Variants in NTRK3 observed in about 807,000 individuals in gnomAD.
NTRK3 encodes neurotrophic receptor tyrosine kinase 3.
Under a neutral mutation model 91.7 loss-of-function variants are expected in NTRK3, and 24 were observed. That is an observed-to-expected ratio of 0.26 (90% confidence interval 0.19 to 0.37). NTRK3 has a LOEUF of 0.37. Ranked by LOEUF, NTRK3 falls within the 10% of genes least tolerant of loss-of-function variation. NTRK3 has a pLI of 1.00. For synonymous variants in NTRK3, 483 were observed against 404.0 expected (o/e 1.20, Z -2.34); for missense variants, 880 against 1,068.9 (o/e 0.82, Z 2.46).
chr15:87,896,771 T>A (rs2066149631), intron 17 of NTRK3, among the ~76,000 whole-genome samples: 1 of 152,172 alleles, frequency 6.6e-6, no homozygotes, highest in Non-Finnish European at 1.5e-5. Flanking sequence ...AGATGAAAGC[T>A]TTATACAAGA....
chr15:88,119,593 T>G lies in NTRK3; in HGVS notation c.1396+6678A>C, dbSNP rs139302799. 1.6e-4 allele frequency among the ~76,000 whole-genome samples: 24 copies of G among 152,236 alleles called. No individual in the cohort carries two copies. The East Asian group carries it at 4.5e-3, about 28-fold the overall frequency. Reference sequence around the variant, plus strand: ...TCAACATTATGTTCAAAGAGTCATCTTACACCAGGAATCCCAAGTACAGGA... The same window carrying G: ...TCAACATTATGTTCAAAGAGTCATCGTACACCAGGAATCCCAAGTACAGGA... On this transcript the variant is annotated intron_variant, in intron 13 of 18. Coordinates refer to ENST00000394480, the Ensembl canonical transcript of NTRK3.
At chr15:87,870,899 G>A (rs1467303855) in exon 19 of NTRK3, 2 of 228,218 alleles carry the variant, frequency 8.8e-6, no homozygotes, top group Non-Finnish European at 8.7e-6. Context: ...TGTGGGTCAC[G>A]ACACTGAACA....
intron 13 of NTRK3, among the ~76,000 whole-genome samples, chr15:88,108,710 G>T (rs778434707): frequency 3.2e-4 from 49 of 152,122 alleles, no homozygotes; most frequent in Non-Finnish European, 5.3e-4. Context: ...AAATTGCAGG[G>T]GCCAAAAAAC....
intron 5 of NTRK3, among the ~76,000 whole-genome samples, chr15:88,160,806 G>C (rs1398488153): frequency 6.6e-6 from 1 of 152,190 alleles, no homozygotes; most frequent in Non-Finnish European, 1.5e-5. Context: ...CTCTGGAAGG[G>C]AACAGTGGCT....
chr15:87,957,780 A>G (rs1219002721), intron 14 of NTRK3, among the ~76,000 whole-genome samples: 4 of 152,186 alleles, frequency 2.6e-5, no homozygotes, highest in East Asian at 3.9e-4. Flanking sequence ...AGCTTCTACC[A>G]GTTCTTTGTG....
At chr15:88,177,128 A>G (rs1244899114) in intron 5 of NTRK3, among the ~76,000 whole-genome samples, 1 of 152,218 alleles carries the variant, frequency 6.6e-6, no homozygotes, top group Non-Finnish European at 1.5e-5. Flanking sequence ...GGCAGAGAGA[A>G]CAAGGGGAAA....
chr15:88,168,361 G>A (rs919512591), intron 5 of NTRK3, among the ~76,000 whole-genome samples: 1 of 152,068 alleles, frequency 6.6e-6, no homozygotes. Flanking sequence ...GAAGAAGAGT[G>A]GAGATGGGTG....
rs2042414194 is a variant in NTRK3, at chr15:88,141,839, A to G, written c.465-4278T>C. ...GCTGCCAGGCAAAGGCTTTGTACAA[A>G]TTTTCTGCTTCCTTCCATCCTTTCC... On this transcript the variant is annotated intron_variant, in intron 6 of 18. Coordinates refer to ENST00000394480, the Ensembl canonical transcript of NTRK3. Among the ~76,000 whole-genome samples, 2 of 152,106 alleles carry G rather than the reference A, an allele frequency of 1.3e-5. 1 individual carries two copies. Among genetic ancestry groups the G allele is most frequent in the South Asian group, 4.1e-4 (2 of 4,828 alleles).
chr15:87,887,765 A>G (rs1413852548), intron 17 of NTRK3, among the ~76,000 whole-genome samples: 1 of 152,192 alleles, frequency 6.6e-6, no homozygotes, highest in East Asian at 1.9e-4. Context: ...CAGTAATATG[A>G]ACAATAAGAA....
At chr15:88,161,241 C>T (rs556600675) in intron 5 of NTRK3, among the ~76,000 whole-genome samples, 3 of 152,318 alleles carry the variant, frequency 2.0e-5, no homozygotes, top group East Asian at 3.9e-4. Flanking sequence ...ATCATCATCT[C>T]TGTTTTACAG....
exon 19 of NTRK3, chr15:87,876,733 ATATATT>A: frequency 2.6e-6 from 1 of 385,096 alleles, no homozygotes; most frequent in Admixed American, 3.6e-5. Context: ...ATATATATAT[ATATATT>A]TGCCAAACTG....
At chr15:88,194,746 A>C (rs1342720271) in intron 3 of NTRK3, among the ~76,000 whole-genome samples, 1 of 152,070 alleles carries the variant, frequency 6.6e-6, no homozygotes, top group Non-Finnish European at 1.5e-5. Flanking sequence ...CTGCACTTGG[A>C]CTTGGGGGAA....
intron 17 of NTRK3, chr15:87,926,740 G>C (rs1449794821): frequency 6.6e-6 from 1 of 152,178 alleles, no homozygotes; most frequent in East Asian, 1.9e-4. Context: ...CTAGAAGCAA[G>C]TTTGAAGGGC....
chr15:87,867,241 C>G (rs891535435), exon 19 of NTRK3: 5 of 225,838 alleles, frequency 2.2e-5, no homozygotes, highest in Non-Finnish European at 3.5e-5. Context: ...TCTCTGAAAA[C>G]CTAGGCTAAA....
At chr15:88,126,239 T>C in intron 13 of NTRK3, 32 bp downstream of exon 13, 1 of 1,448,036 alleles carries the variant, frequency 6.9e-7, no homozygotes, top group Non-Finnish European at 9.7e-7. Context: ...TTTCCCCCCA[T>C]GACGCCCTTG....
At chr15:87,966,364 AC>A (rs2072795035) in intron 14 of NTRK3, among the ~76,000 whole-genome samples, 1 of 152,214 alleles carries the variant, frequency 6.6e-6, no homozygotes, top group Non-Finnish European at 1.5e-5. Context: ...GACCTGAAGG[AC>A]CAGGTGACTT....
intron 13 of NTRK3, among the ~76,000 whole-genome samples, chr15:88,123,064 A>C (rs2052901066): frequency 6.6e-6 from 1 of 152,214 alleles, no homozygotes; most frequent in Non-Finnish European, 1.5e-5. Flanking sequence ...AGGACAAAAG[A>C]GGGCATGATT....
Position 88,212,700 on chromosome 15 carries a change from T to TCACACACA in NTRK3, c.249-28409_249-28402dup, listed in dbSNP as rs60620542. ...CATGGAAGCTGTTTTGGCTGCTGCATCACACACACACACACACACACACAC... is the reference window on the plus strand; with the variant it reads ...CATGGAAGCTGTTTTGGCTGCTGCATCACACACACACACACACACACACACACACACAC... On this transcript the variant is annotated intron_variant, in intron 3 of 18. Coordinates refer to ENST00000394480, the Ensembl canonical transcript of NTRK3. Among the ~76,000 whole-genome samples the TCACACACA allele has an allele frequency of 3.4e-3, 503 of 146,064 alleles. 6 individuals carry two copies. The highest frequency in any genetic ancestry group is 0.011 in the African/African-American group (403 of 38,170).
exon 19 of NTRK3, chr15:87,876,126 A>G (rs982554305): frequency 8.6e-6 from 2 of 232,420 alleles, no homozygotes; most frequent in Admixed American, 5.6e-5. Context: ...CCAGTTCTTT[A>G]AGTTCTGAGA....
Sources: gnomAD v4.1 joint callset for allele counts (sites outside exome capture counted in the v4.1 genomes callset) on GRCh38, gnomAD v4.1.1 for gene constraint, MANE v1.5 for transcripts, NCBI Gene and HGNC (gene_info 2026-07-23, HGNC 2026-07-21) for gene names.